The following ASIP variants were observed in gnomAD, a reference collection of about 807,000 sequenced individuals.
The protein encoded by ASIP is agouti signaling protein, also known as agouti-signaling protein.
In ASIP, 11 loss-of-function variants were observed where a neutral mutation model predicts 10.3. The ratio of observed to expected loss-of-function variants is 1.07; its 90% CI spans 0.68 to 1.78. The LOEUF (loss-of-function observed/expected upper bound fraction) is 1.78, where lower values mean the gene tolerates loss of function less well. Ranked by LOEUF, ASIP falls within the 40% of genes most tolerant of loss-of-function variation. ASIP has a pLI of 0.00. For missense variants in ASIP, 180 were observed against 169.2 expected (o/e 1.06, Z -0.35); for synonymous variants, 70 against 70.8 (o/e 0.99, Z 0.06).
At chr20:34,213,441 T>C in intron 1 of ASIP, 2 of 982,066 alleles carry the variant, frequency 2.0e-6, no homozygotes, top group South Asian at 3.4e-5. Context: ...GCTTTGGAAT[T>C]GAGTCATAGG....
chr20:34,188,577 T>C, the ASIP span, among the ~76,000 whole-genome samples: 2 of 152,212 alleles, frequency 1.3e-5, no homozygotes, highest in African/African-American at 4.8e-5. Flanking sequence ...CTGGTAACAG[T>C]AGTTATTTAG....
intron 1 of ASIP, among the ~76,000 whole-genome samples, chr20:34,200,408 G>A (rs1402554684): frequency 1.3e-5 from 2 of 152,200 alleles, no homozygotes; most frequent in African/African-American, 4.8e-5. Context: ...TTGGCATCTG[G>A]TAATGTACAT....
chr20:34,213,431 G>C, intron 1 of ASIP: 1 of 881,078 alleles, frequency 1.1e-6, no homozygotes, highest in Non-Finnish European at 1.7e-6. Flanking sequence ...TGTGAAAGTG[G>C]CTTTGGAATT....
rs114255946 is a variant in ASIP at position 34,257,379 on chromosome 20, C to T, written c.-10-2986C>T. Among the ~76,000 whole-genome samples, 252 of 152,296 alleles carry T rather than the reference C, an allele frequency of 1.7e-3. 1 individual carries two copies. The highest frequency in any genetic ancestry group is 5.6e-3 in the African/African-American group (231 of 41,564). Reference sequence around the variant, plus strand: ...GGATTATAGGCGTGAGCCACCAGCCCAGCCGGGTTGAATTTATTTCTAATT... The same window carrying T: ...GGATTATAGGCGTGAGCCACCAGCCTAGCCGGGTTGAATTTATTTCTAATT... On this transcript the variant is annotated intron_variant, in intron 1 of 3. Transcript: ENST00000374954.
intron 1 of ASIP, among the ~76,000 whole-genome samples, chr20:34,243,936 G>T (rs2035326742): frequency 6.6e-6 from 1 of 152,080 alleles, no homozygotes; most frequent in African/African-American, 2.4e-5. Flanking sequence ...GTGGTGGCGG[G>T]CGCCTGTAGT....
the ASIP span, among the ~76,000 whole-genome samples, chr20:34,188,174 G>T: frequency 1.3e-5 from 2 of 152,298 alleles, no homozygotes; most frequent in East Asian, 3.9e-4. Flanking sequence ...TCCCAAAGGG[G>T]ATACAAAAAC....
chr20:34,244,022 G>A (rs573848360), intron 1 of ASIP, among the ~76,000 whole-genome samples: 5 of 152,226 alleles, frequency 3.3e-5, no homozygotes, highest in South Asian at 4.1e-4. Flanking sequence ...CCGAGATTGC[G>A]CCACTGCACT....
chr20:34,221,129 A>G (rs2035044450), intron 1 of ASIP, among the ~76,000 whole-genome samples: 1 of 152,036 alleles, frequency 6.6e-6, no homozygotes, highest in Non-Finnish European at 1.5e-5. Flanking sequence ...CTGTAATCCC[A>G]GCTTTTTGGG....
At chr20:34,228,046 A>G (rs2122573885) in intron 1 of ASIP, among the ~76,000 whole-genome samples, 1 of 152,230 alleles carries the variant, frequency 6.6e-6, no homozygotes, top group Non-Finnish European at 1.5e-5. Flanking sequence ...AATAAAATGA[A>G]CTTCAATTCA....
chr20:34,250,609 T>G (rs977309526), intron 1 of ASIP, among the ~76,000 whole-genome samples: 2 of 152,014 alleles, frequency 1.3e-5, no homozygotes, highest in African/African-American at 4.8e-5. Context: ...ACCAGCCTGG[T>G]CAACATGGTG....
intron 3 of ASIP, 103 bp from the exon 4 acceptor site, chr20:34,268,888 C>T (rs2035836962): frequency 7.0e-7 from 1 of 1,438,120 alleles, no homozygotes; most frequent in Non-Finnish European, 9.5e-7. Context: ...AGCGGGGAAA[C>T]CTCTGGTCCG....
chr20:34,220,453 G>A (rs572230686), intron 1 of ASIP, among the ~76,000 whole-genome samples: 76 of 152,212 alleles, frequency 5.0e-4, no homozygotes, highest in African/African-American at 1.8e-3. Context: ...AAAATTAGCC[G>A]GGTGTGGTGC....
At chr20:34,223,594 T>TG (rs1240891120) in intron 1 of ASIP, among the ~76,000 whole-genome samples, 18 of 121,896 alleles carry the variant, frequency 1.5e-4, no homozygotes, top group South Asian at 7.3e-4. Context: ...GGGAGGGAGG[T>TG]GGGGGGGTCA....
At chr20:34,243,982 G>C (rs1295185887) in intron 1 of ASIP, among the ~76,000 whole-genome samples, 1 of 152,030 alleles carries the variant, frequency 6.6e-6, no homozygotes, top group Non-Finnish European at 1.5e-5. Context: ...GGAGAATGGC[G>C]TGAACCCGGG....
At chr20:34,224,790 C>A (rs1274963825) in intron 1 of ASIP, among the ~76,000 whole-genome samples, 1 of 151,882 alleles carries the variant, frequency 6.6e-6, no homozygotes, top group Non-Finnish European at 1.5e-5. Flanking sequence ...CACTGACAAT[C>A]TCTGGGAAAA....
At chr20:34,235,860 GGAAGGAAA>G (rs1265757556) in intron 1 of ASIP, among the ~76,000 whole-genome samples, 1 of 32,102 alleles carries the variant, frequency 3.1e-5, no homozygotes. Context: ...AAGGAAGGAA[GGAAGGAAA>G]GGAAGGAAGG....
intron 1 of ASIP, among the ~76,000 whole-genome samples, chr20:34,226,480 G>A (rs2035093932): frequency 1.3e-5 from 2 of 152,114 alleles, no homozygotes; most frequent in South Asian, 2.1e-4. Flanking sequence ...AGCCTCCCAG[G>A]TAGCTGGGAC....
intron 1 of ASIP, among the ~76,000 whole-genome samples, chr20:34,196,302 C>T (rs1458874883): frequency 7.3e-5 from 11 of 150,786 alleles, no homozygotes; most frequent in Non-Finnish European, 1.5e-5. Flanking sequence ...GCCTCAGCCT[C>T]CCGAGTAGCT....
chr20:34,257,224 T>C (rs1457363195), intron 1 of ASIP, among the ~76,000 whole-genome samples: 2 of 151,932 alleles, frequency 1.3e-5, no homozygotes, highest in Admixed American at 1.3e-4. Context: ...GGTGGATTTA[T>C]AGGCATCTAC....
Sources: gnomAD v4.1 joint callset for allele counts (sites outside exome capture counted in the v4.1 genomes callset) on GRCh38, gnomAD v4.1.1 for gene constraint, MANE v1.5 for transcripts, NCBI Gene and HGNC (gene_info 2026-07-23, HGNC 2026-07-21) for gene names.